NAV3: variants seen among roughly 807,000 people sequenced by gnomAD.
NAV3 encodes the protein neuron navigator 3, also known as pore membrane and/or filament interacting like protein 1.
NAV3 carries 87 observed loss-of-function variants against 244.7 expected under a neutral mutation model. The observed-to-expected ratio is 0.36, with a 90% CI of 0.30 to 0.42. The LOEUF is 0.42. Ranked by LOEUF, NAV3 falls within the 20% of genes least tolerant of loss-of-function variation. The probability of loss-of-function intolerance (pLI) is 1.00; values close to 1 mark genes in which losing one functional copy is unlikely to be tolerated. For synonymous variants in NAV3, 1,126 were observed against 1,042.2 expected, an observed-to-expected ratio of 1.08 and a Z score of -1.55; for missense variants, 2,663 against 2,893.3, an observed-to-expected ratio of 0.92 and a Z score of 1.83.
rs1050099587 is a variant in NAV3 at position 77,921,625 on chromosome 12, G to C, written c.244-18694G>C. ...TTCCTTTTCCTTGGAGTTAAAATGAGAGTTACAATTTCTAACGTGAAAGAT... is the reference window on the plus strand; with the variant it reads ...TTCCTTTTCCTTGGAGTTAAAATGACAGTTACAATTTCTAACGTGAAAGAT... On this transcript the variant is annotated intron_variant, in intron 1 of 39. Transcript: ENST00000397909. Among the ~76,000 whole-genome samples the C allele has an allele frequency of 2.0e-5, 3 of 152,046 alleles. No individual in the cohort carries two copies. The South Asian group carries it at 6.2e-4, about 31-fold the overall frequency.
chr12:77,912,748 A>G (rs567069925), intron 1 of NAV3, among the ~76,000 whole-genome samples: 1 of 152,162 alleles, frequency 6.6e-6, no homozygotes, highest in East Asian at 1.9e-4. Flanking sequence ...CTCCTGCCTC[A>G]GCCTCCCAAG....
At chr12:78,015,128 T>C (rs1230571185) in intron 8 of NAV3, among the ~76,000 whole-genome samples, 1 of 152,058 alleles carries the variant, frequency 6.6e-6, no homozygotes, top group Admixed American at 6.6e-5. Flanking sequence ...CATGGCAAGA[T>C]TGCCTAACCA....
At chr12:78,124,966 A>G (rs1443479774) in intron 16 of NAV3, among the ~76,000 whole-genome samples, 1 of 152,182 alleles carries the variant, frequency 6.6e-6, no homozygotes, top group African/African-American at 2.4e-5. Context: ...CTTCCAGTAA[A>G]TTACTAGATT....
chr12:78,116,146 G>T (rs1955366164), intron 12 of NAV3, among the ~76,000 whole-genome samples: 1 of 152,146 alleles, frequency 6.6e-6, no homozygotes, highest in Non-Finnish European at 1.5e-5. Flanking sequence ...AGCAGATAAA[G>T]TTGTATTGGG....
At chr12:77,866,471 A>G (rs962705683) in intron 1 of NAV3, among the ~76,000 whole-genome samples, 1 of 152,164 alleles carries the variant, frequency 6.6e-6, no homozygotes, top group Non-Finnish European at 1.5e-5. Flanking sequence ...GAATCAGAAG[A>G]CTCACATGAT....
intron 12 of NAV3, 81 bp from the exon 13 acceptor site, chr12:78,116,691 G>A (rs2138510246): frequency 7.6e-7 from 1 of 1,322,162 alleles, no homozygotes; most frequent in East Asian, 2.6e-5. Context: ...ATAATAAATT[G>A]TGAATGTTGC....
chr12:77,927,039 G>T (rs1888292531), intron 1 of NAV3, among the ~76,000 whole-genome samples: 1 of 152,284 alleles, frequency 6.6e-6, no homozygotes, highest in Non-Finnish European at 1.5e-5. Flanking sequence ...TACTTTGAAT[G>T]TACTTGCACA....
chr12:78,113,616 G>A lies in NAV3; in HGVS notation c.2637-3156G>A, dbSNP rs1015948548. 2.6e-5 allele frequency among the ~76,000 whole-genome samples: 4 copies of A among 152,214 alleles called. No individual in the cohort carries two copies. The East Asian group carries it at 7.8e-4, about 29-fold the overall frequency. On this transcript the variant is annotated intron_variant, in intron 12 of 39. Coordinates refer to ENST00000397909, the MANE Select transcript of NAV3 (RefSeq NM_001024383.2). ...GGTTGCAGGGCACCAAGTCCCTATG[G>A]TGCATACAGCAGGGGGGCCCTGGAC...
chr12:77,866,625 C>T (rs969089792), intron 1 of NAV3, among the ~76,000 whole-genome samples: 2 of 152,198 alleles, frequency 1.3e-5, no homozygotes, highest in Admixed American at 6.5e-5. Context: ...GACAAATTTA[C>T]TCTGCTAATG....
At chr12:77,788,216 T>G (rs1206330908) in intron 2 of NAV3, among the ~76,000 whole-genome samples, 1 of 152,210 alleles carries the variant, frequency 6.6e-6, no homozygotes, top group African/African-American at 2.4e-5. Context: ...GTATATAACA[T>G]GTATACCTAA....
chr12:77,683,929 A>T (rs1874590050), intron 2 of NAV3, among the ~76,000 whole-genome samples: 2 of 152,092 alleles, frequency 1.3e-5, no homozygotes, highest in South Asian at 4.1e-4. Context: ...TGGGGGACAT[A>T]TGTTTTATTA....
In NAV3 at chr12:78,168,829, T is replaced by A; in HGVS notation, c.4944T>A (p.Ile1648=). 1 of 1,610,862 alleles carries A rather than the reference T, an allele frequency of 6.2e-7. No homozygotes were observed. The highest frequency in any genetic ancestry group is 8.5e-7 in the Non-Finnish European group (1 of 1,177,854). The change falls in exon 24 of 40, where the codon ATT becomes ATA. Residue 1648 remains isoleucine, a synonymous_variant. Transcript: ENST00000397909. ...KAQNSAAQAA[I]QGALNGPDHP... ...AGAATTCTGCTGCCCAGGCGGCTAT[T>A]CAGGGAGCACTGAATGGTCCAGACC...
At chr12:77,867,548 T>C (rs1206362452) in intron 1 of NAV3, among the ~76,000 whole-genome samples, 1 of 152,142 alleles carries the variant, frequency 6.6e-6, no homozygotes, top group East Asian at 1.9e-4. Flanking sequence ...GCCTCCCAAG[T>C]AGCTGGGACT....
At chr12:78,012,719 A>G (rs1474349926) in intron 8 of NAV3, among the ~76,000 whole-genome samples, 4 of 152,108 alleles carry the variant, frequency 2.6e-5, no homozygotes, top group Admixed American at 2.6e-4. Flanking sequence ...CACCTACTCC[A>G]GGGGAATATA....
intron 22 of NAV3, among the ~76,000 whole-genome samples, chr12:78,157,503 G>A (rs1162707191): frequency 6.6e-6 from 1 of 151,986 alleles, no homozygotes; most frequent in African/African-American, 2.4e-5. Context: ...TAAGCCTGCA[G>A]TGAACTAGGG....
At chr12:78,144,759 G>T (rs1288266144) in intron 20 of NAV3, among the ~76,000 whole-genome samples, 1 of 150,912 alleles carries the variant, frequency 6.6e-6, no homozygotes, top group Non-Finnish European at 1.5e-5. Context: ...ATTGATTCTT[G>T]AATCTTTACC....
chr12:77,951,256 G>A (rs191883613), intron 3 of NAV3, among the ~76,000 whole-genome samples: 8 of 152,206 alleles, frequency 5.3e-5, no homozygotes, highest in South Asian at 4.1e-4. Context: ...ACAAGTGGGC[G>A]AAGGATATGA....
chr12:77,707,102 G>A (rs1007201604), intron 2 of NAV3, among the ~76,000 whole-genome samples: 1 of 149,360 alleles, frequency 6.7e-6, no homozygotes, highest in Non-Finnish European at 1.5e-5. Context: ...TTAAGTTCTA[G>A]GGTACTGCAG....
chr12:77,693,901 T>C (rs979191585), intron 2 of NAV3, among the ~76,000 whole-genome samples: 1 of 152,252 alleles, frequency 6.6e-6, no homozygotes, highest in East Asian at 1.9e-4. Context: ...GTGTTTACAA[T>C]CTTTAATCCC....
Sources: allele counts gnomAD v4.1 joint callset (sites outside exome capture counted in the v4.1 genomes callset), GRCh38; gene constraint gnomAD v4.1.1; transcripts MANE v1.5; gene names NCBI Gene and HGNC (gene_info 2026-07-23, HGNC 2026-07-21).